The following MTUS2 variants were observed in gnomAD, a reference collection of about 807,000 sequenced individuals.
The protein encoded by MTUS2 is microtubule-associated tumor suppressor candidate 2.
In MTUS2, 40 loss-of-function variants were observed where a neutral mutation model predicts 114.1. The observed-to-expected ratio is 0.35, with a 90% confidence interval of 0.27 to 0.46. MTUS2 has a LOEUF of 0.46. Ranked by LOEUF, MTUS2 falls within the 20% of genes least tolerant of loss-of-function variation. The pLI is 1.00. For synonymous variants in MTUS2, 688 were observed against 672.0 expected (o/e 1.02, Z -0.37); for missense variants, 1,679 against 1,705.4 (o/e 0.98, Z 0.27).
chr13:28,884,212 T>C (rs1019807537), intron 2 of MTUS2, among the ~76,000 whole-genome samples: 11 of 152,170 alleles, frequency 7.2e-5, no homozygotes, highest in African/African-American at 2.7e-4. Context: ...TGATGGAATA[T>C]TATTTAGCCT....
At chr13:29,450,045 T>C (rs1348585517) in intron 9 of MTUS2, among the ~76,000 whole-genome samples, 1 of 152,120 alleles carries the variant, frequency 6.6e-6, no homozygotes, top group South Asian at 2.1e-4. Context: ...CCGACCACGG[T>C]GCAGTGTGAC....
At chr13:29,203,840 C>T (rs369458484) in intron 5 of MTUS2, among the ~76,000 whole-genome samples, 4 of 152,140 alleles carry the variant, frequency 2.6e-5, no homozygotes, top group Admixed American at 6.5e-5. Context: ...CATCTCACCC[C>T]CCATGGGCTG....
intron 9 of MTUS2, among the ~76,000 whole-genome samples, chr13:29,478,134 G>C (rs1022456398): frequency 3.3e-5 from 5 of 152,174 alleles, no homozygotes; most frequent in African/African-American, 1.2e-4. Flanking sequence ...AAAGACTGAG[G>C]AACTGTCCCA....
chr13:29,455,873 C>T (rs533912064), intron 9 of MTUS2, among the ~76,000 whole-genome samples: 3 of 152,052 alleles, frequency 2.0e-5, no homozygotes, highest in Middle Eastern at 3.4e-3. Flanking sequence ...CCCAGCTGCT[C>T]AGGAGGCTGA....
intron 2 of MTUS2, among the ~76,000 whole-genome samples, chr13:28,944,302 C>G (rs1218708242): frequency 6.6e-6 from 1 of 152,070 alleles, no homozygotes; most frequent in Non-Finnish European, 1.5e-5. Flanking sequence ...ACTGATCTAT[C>G]GAATACCAGG....
chr13:29,493,554 C>A (rs1346873020), intron 12 of MTUS2, among the ~76,000 whole-genome samples: 1 of 152,196 alleles, frequency 6.6e-6, no homozygotes, highest in East Asian at 1.9e-4. Context: ...GGCTCACTTT[C>A]CTCTGGCAAC....
At position 29,033,882 on chromosome 13, in the gene MTUS2, T is replaced by C; in HGVS notation, c.2206-3T>C. On this transcript the variant is annotated splice_polypyrimidine_tract_variant and splice_region_variant and intron_variant, in intron 3 of 15. Coordinates refer to ENST00000612955, the MANE Select transcript of MTUS2 (RefSeq NM_001033602.4). ...TGATTGAGTTTTTGTTCATTTATCATAGGTTACAGACCACCCTGGAAAAGA... is the reference window on the plus strand; with the variant it reads ...TGATTGAGTTTTTGTTCATTTATCACAGGTTACAGACCACCCTGGAAAAGA... 1 of 1,613,854 alleles carries C rather than the reference T, an allele frequency of 6.2e-7. No homozygotes were observed. Among genetic ancestry groups the C allele is most frequent in the South Asian group, 1.1e-5 (1 of 91,014 alleles).
At chr13:29,412,534 A>G (rs1249581764) in intron 8 of MTUS2, among the ~76,000 whole-genome samples, 1 of 151,406 alleles carries the variant, frequency 6.6e-6, no homozygotes, top group Admixed American at 6.6e-5. Context: ...CCTTTTTTCT[A>G]CTCTTTTTGT....
At chr13:28,859,018 T>C (rs546608456) in intron 2 of MTUS2, among the ~76,000 whole-genome samples, 23 of 152,008 alleles carry the variant, frequency 1.5e-4, no homozygotes, top group Non-Finnish European at 2.9e-4. Flanking sequence ...CAAGAATAAT[T>C]TGGTAGCAGG....
intron 1 of MTUS2, among the ~76,000 whole-genome samples, chr13:28,828,507 G>A (rs555829178): frequency 1.2e-4 from 18 of 152,320 alleles, no homozygotes; most frequent in African/African-American, 4.1e-4. Context: ...TATCTTCAGA[G>A]ATTGCAGTAA....
At chr13:29,118,090 G>C (rs1202955726) in intron 5 of MTUS2, among the ~76,000 whole-genome samples, 1 of 152,100 alleles carries the variant, frequency 6.6e-6, no homozygotes, top group East Asian at 1.9e-4. Context: ...AGGAAAAGAT[G>C]TGTTCTCTGC....
intron 2 of MTUS2, among the ~76,000 whole-genome samples, chr13:28,910,088 A>G (rs552034705): frequency 5.3e-5 from 8 of 152,262 alleles, no homozygotes; most frequent in African/African-American, 1.9e-4. Flanking sequence ...TACTGACTGT[A>G]GTCTGTCTGT....
intron 8 of MTUS2, among the ~76,000 whole-genome samples, chr13:29,376,398 A>G (rs970080947): frequency 6.6e-6 from 1 of 152,166 alleles, no homozygotes; most frequent in African/African-American, 2.4e-5. Context: ...ACCAACAACT[A>G]AAACGTTATT....
chr13:29,042,919 T>C (rs1322435465), intron 4 of MTUS2, among the ~76,000 whole-genome samples: 1 of 152,154 alleles, frequency 6.6e-6, no homozygotes, highest in Non-Finnish European at 1.5e-5. Context: ...AAGACCTAGC[T>C]TTTGTTTCAT....
intron 7 of MTUS2, among the ~76,000 whole-genome samples, chr13:29,339,329 G>C (rs1901258708): frequency 6.6e-6 from 1 of 152,188 alleles, no homozygotes; most frequent in Non-Finnish European, 1.5e-5. Flanking sequence ...CACAAAGGCG[G>C]GGACCTCTCC....
intron 2 of MTUS2, among the ~76,000 whole-genome samples, chr13:28,866,107 G>C (rs1566185734): frequency 6.6e-6 from 1 of 152,174 alleles, no homozygotes; most frequent in East Asian, 1.9e-4. Flanking sequence ...GGATTTTCGT[G>C]CCTCCCTGGG....
At chr13:28,953,229 C>A (rs561627002) in intron 2 of MTUS2, among the ~76,000 whole-genome samples, 1 of 151,250 alleles carries the variant, frequency 6.6e-6, no homozygotes, top group South Asian at 2.1e-4. Context: ...GAGCTCTAGG[C>A]TGGGCGCAGT....
intron 4 of MTUS2, among the ~76,000 whole-genome samples, chr13:29,042,938 T>C (rs1887439984): frequency 6.6e-6 from 1 of 152,152 alleles, no homozygotes; most frequent in Non-Finnish European, 1.5e-5. Flanking sequence ...ATTTATCTTT[T>C]GTATAATTTT....
At chr13:29,242,504 T>C (rs190055475) in intron 5 of MTUS2, 6 of 161,754 alleles carry the variant, frequency 3.7e-5, no homozygotes, top group African/African-American at 1.4e-4. Flanking sequence ...TGTTTGGTAA[T>C]AAATATTTCA....
Sources: gnomAD v4.1 joint callset for allele counts (sites outside exome capture counted in the v4.1 genomes callset) on GRCh38, gnomAD v4.1.1 for gene constraint, MANE v1.5 for transcripts, NCBI Gene and HGNC (gene_info 2026-07-23, HGNC 2026-07-21) for gene names.